Variants in PTPRD observed in about 807,000 individuals in gnomAD.
PTPRD encodes protein tyrosine phosphatase receptor type D.
PTPRD carries 34 observed loss-of-function variants against 214.5 expected under a neutral mutation model. The ratio of observed to expected loss-of-function variants is 0.16; its 90% CI spans 0.12 to 0.21. The LOEUF is 0.21. Ranked by LOEUF, PTPRD falls within the 10% of genes least tolerant of loss-of-function variation. PTPRD has a pLI of 1.00. For synonymous variants in PTPRD, 1,128 were observed against 845.7 expected (o/e 1.33, Z -5.79); for missense variants, 2,545 against 2,398.7 (o/e 1.06, Z -1.27).
At chr9:9,665,337 A>G (rs1246231517) in intron 7 of PTPRD, among the ~76,000 whole-genome samples, 1 of 151,860 alleles carries the variant, frequency 6.6e-6, no homozygotes, top group Non-Finnish European at 1.5e-5. Flanking sequence ...AGCTGTATAC[A>G]CTTAGAAAAG....
At chr9:8,866,522 A>G (rs2098198773) in intron 11 of PTPRD, among the ~76,000 whole-genome samples, 3 of 152,170 alleles carry the variant, frequency 2.0e-5, no homozygotes, top group South Asian at 4.1e-4. Flanking sequence ...CATGCTAAAA[A>G]AAACCTCAGT....
At chr9:9,817,597 A>T (rs932410013) in intron 5 of PTPRD, among the ~76,000 whole-genome samples, 2 of 152,274 alleles carry the variant, frequency 1.3e-5, no homozygotes, top group East Asian at 3.9e-4. Context: ...CTGAATGTAA[A>T]ATACTGATGA....
intron 2 of PTPRD, among the ~76,000 whole-genome samples, chr9:10,553,440 C>G (rs186615615): frequency 6.6e-6 from 1 of 151,790 alleles, no homozygotes; most frequent in Admixed American, 6.6e-5. Flanking sequence ...ATTCTCATCC[C>G]TGAGTTGTAT....
chr9:10,548,512 G>A (rs1339394218), intron 2 of PTPRD, among the ~76,000 whole-genome samples: 2 of 152,178 alleles, frequency 1.3e-5, no homozygotes, highest in African/African-American at 4.8e-5. Context: ...CAGCTGTTCT[G>A]TGAAAGCCTG....
chr9:10,362,891 A>T (rs1274146197), intron 2 of PTPRD, among the ~76,000 whole-genome samples: 3 of 152,196 alleles, frequency 2.0e-5, no homozygotes, highest in African/African-American at 4.8e-5. Context: ...AAATAAATAA[A>T]AAAATAAATA....
chr9:9,331,709 T>C (rs928906416), intron 9 of PTPRD, among the ~76,000 whole-genome samples: 5 of 152,092 alleles, frequency 3.3e-5, no homozygotes, highest in Admixed American at 2.0e-4. Context: ...AGTCTCTTCT[T>C]GTTTCCTGCC....
intron 11 of PTPRD, among the ~76,000 whole-genome samples, chr9:8,760,940 T>G (rs1278820286): frequency 2.6e-5 from 4 of 152,192 alleles, no homozygotes; most frequent in Non-Finnish European, 5.9e-5. Context: ...TACTGCATAA[T>G]AGGAATAACA....
At chr9:9,661,343 T>C (rs924343785) in intron 7 of PTPRD, among the ~76,000 whole-genome samples, 4 of 151,966 alleles carry the variant, frequency 2.6e-5, no homozygotes, top group African/African-American at 9.7e-5. Context: ...ACTAACTGTA[T>C]ATTTTTTTAA....
chr9:9,552,098 A>G (rs951782719), intron 8 of PTPRD, among the ~76,000 whole-genome samples: 21 of 152,036 alleles, frequency 1.4e-4, no homozygotes, highest in African/African-American at 4.8e-4. Flanking sequence ...ATAATAGTCA[A>G]TATTCATTTA....
chr9:9,764,419 C>T (rs1470670403), intron 6 of PTPRD, among the ~76,000 whole-genome samples: 1 of 152,026 alleles, frequency 6.6e-6, no homozygotes, highest in East Asian at 1.9e-4. Flanking sequence ...TTCGCAAAAA[C>T]CGTTGCCCCC....
chr9:8,430,524 G>A (rs766022602), intron 35 of PTPRD, among the ~76,000 whole-genome samples: 2 of 151,226 alleles, frequency 1.3e-5, no homozygotes, highest in Non-Finnish European at 2.9e-5. Context: ...CGATCTGCCC[G>A]CAGCGTCCTC....
intron 2 of PTPRD, among the ~76,000 whole-genome samples, chr9:10,453,600 A>G (rs73390340): frequency 0.054 from 8,200 of 151,570 alleles, 682 homozygotes; most frequent in African/African-American, 0.18. Flanking sequence ...TTTTTCAGGC[A>G]TTTCATTGTT....
intron 12 of PTPRD, among the ~76,000 whole-genome samples, chr9:8,650,759 C>T (rs1004963973): frequency 1.3e-5 from 2 of 152,056 alleles, no homozygotes; most frequent in African/African-American, 4.8e-5. Context: ...TGTGCAATAC[C>T]TAACATGTTG....
chr9:8,441,542 G>T (rs939226340), intron 34 of PTPRD, among the ~76,000 whole-genome samples: 1 of 151,716 alleles, frequency 6.6e-6, no homozygotes. Flanking sequence ...ACTAGATTAT[G>T]GCCTTTGTTT....
chr9:9,861,251 T>C (rs1214021620), intron 5 of PTPRD, among the ~76,000 whole-genome samples: 1 of 152,148 alleles, frequency 6.6e-6, no homozygotes, highest in Non-Finnish European at 1.5e-5. Flanking sequence ...GGTATGAAAG[T>C]AATTAAGATT....
chr9:9,087,470 G>C (rs923046698), intron 10 of PTPRD, among the ~76,000 whole-genome samples: 7 of 152,270 alleles, frequency 4.6e-5, no homozygotes, highest in African/African-American at 1.7e-4. Context: ...AAGAGGCATT[G>C]TCCTTCCATA....
chr9:9,208,506 G>C (rs899227941), intron 9 of PTPRD, among the ~76,000 whole-genome samples: 7 of 151,912 alleles, frequency 4.6e-5, no homozygotes, highest in African/African-American at 1.7e-4. Flanking sequence ...TTGGTATTTT[G>C]CTTTGTAGAG....
intron 9 of PTPRD, among the ~76,000 whole-genome samples, chr9:9,357,556 C>A (rs2054277941): frequency 6.6e-6 from 1 of 150,842 alleles, no homozygotes; most frequent in South Asian, 2.1e-4. Context: ...TGAAATGTGG[C>A]TAATGATTTT....
At chr9:9,248,095 T>A (rs1569565649) in intron 9 of PTPRD, among the ~76,000 whole-genome samples, 1 of 151,746 alleles carries the variant, frequency 6.6e-6, no homozygotes, top group Non-Finnish European at 1.5e-5. Flanking sequence ...TATCTATTAT[T>A]ATTTTTTTTT....
Sources: gnomAD v4.1 joint callset for allele counts (sites outside exome capture counted in the v4.1 genomes callset) on GRCh38, gnomAD v4.1.1 for gene constraint, MANE v1.5 for transcripts, NCBI Gene and HGNC (gene_info 2026-07-23, HGNC 2026-07-21) for gene names.